Variants in PLCH1 observed in about 807,000 individuals in gnomAD.
PLCH1 encodes 1-phosphatidylinositol 4,5-bisphosphate phosphodiesterase eta-1.
Under a neutral mutation model 126.7 loss-of-function variants are expected in PLCH1, and 60 were observed. The observed-to-expected ratio is 0.47, with a 90% confidence interval of 0.38 to 0.59. The LOEUF (loss-of-function observed/expected upper bound fraction) is 0.59, where lower values mean the gene tolerates loss of function less well. Ranked by LOEUF, PLCH1 falls within the 20% of genes least tolerant of loss-of-function variation. PLCH1 has a pLI of 0.00. For missense variants in PLCH1, 1,723 were observed against 2,040.0 expected (o/e 0.84, Z 2.99); for synonymous variants, 719 against 734.9 (o/e 0.98, Z 0.35).
At chr3:155,488,579 T>C in intron 20 of PLCH1, 81 bp downstream of exon 20, 2 of 1,153,996 alleles carry the variant, frequency 1.7e-6, no homozygotes, top group Admixed American at 2.4e-5. Context: ...TATGCTATTA[T>C]GTAAGTAACA....
intron 2 of PLCH1, among the ~76,000 whole-genome samples, chr3:155,596,905 G>A (rs1392123605): frequency 6.6e-6 from 1 of 152,148 alleles, no homozygotes. Context: ...AATGTAATCA[G>A]AAAAAAATCA....
intron 1 of PLCH1, among the ~76,000 whole-genome samples, chr3:155,706,824 T>C (rs553003992): frequency 3.3e-5 from 5 of 152,044 alleles, no homozygotes; most frequent in African/African-American, 1.2e-4. Flanking sequence ...ATGCTTGCAT[T>C]GGAACCCAGC....
rs913174215 is a variant in PLCH1 at position 155,480,416 on chromosome 3, C to A, written c.*552G>T. The A allele has an allele frequency of 2.0e-5, 3 of 153,004 alleles. No homozygotes were observed. Among genetic ancestry groups the A allele is most frequent in the East Asian group, 1.9e-4 (1 of 5,176 alleles). The allele number at this position is 153,004 out of a possible 1,614,324, so 9.5% of individuals were successfully genotyped here. A position where few individuals can be genotyped will look rare whatever the true frequency, so the allele number is the denominator to read the frequency against. On this transcript the variant is annotated 3_prime_UTR_variant, in exon 23 of 23. Transcript: ENST00000460012. ...GGAGCAGCTATCCATCCCCTTTCAA[C>A]TCTCATTATGGGTGGGATAAGAACA...
intron 2 of PLCH1, among the ~76,000 whole-genome samples, chr3:155,603,427 T>C (rs73154298): frequency 0.056 from 8,541 of 152,210 alleles, 275 homozygotes; most frequent in Middle Eastern, 0.1. Context: ...CCAACACCTA[T>C]TTTGGGACTT....
intron 12 of PLCH1, among the ~76,000 whole-genome samples, chr3:155,506,496 TC>T (rs1297716942): frequency 1.2e-5 from 1 of 81,802 alleles, no homozygotes; most frequent in African/African-American, 4.7e-5. Context: ...ATGTTATCCC[TC>T]CCCCCTCCCC....
intron 5 of PLCH1, 40 bp downstream of exon 5, chr3:155,586,025 G>A: frequency 6.3e-7 from 1 of 1,586,698 alleles, no homozygotes; most frequent in Non-Finnish European, 8.7e-7. Flanking sequence ...AATAACCTCT[G>A]TGTATTTTAT....
intron 1 of PLCH1, among the ~76,000 whole-genome samples, chr3:155,724,813 T>TGTGTGTG (rs1015618805): frequency 1.3e-3 from 182 of 140,142 alleles, no homozygotes; most frequent in Non-Finnish European, 2.2e-3. Flanking sequence ...TTGGGGGGTT[T>TGTGTGTG]TGTGTGTGTG....
intron 7 of PLCH1, among the ~76,000 whole-genome samples, chr3:155,566,531 A>G (rs993900921): frequency 2.0e-5 from 3 of 151,734 alleles, no homozygotes; most frequent in African/African-American, 7.3e-5. Flanking sequence ...AACAACCAGC[A>G]ATTGATAGGT....
intron 2 of PLCH1, among the ~76,000 whole-genome samples, chr3:155,602,558 T>A (rs962953215): frequency 6.6e-6 from 1 of 152,200 alleles, no homozygotes; most frequent in East Asian, 1.9e-4. Flanking sequence ...CACACAGACC[T>A]AGATTGCATA....
At chr3:155,706,108 AG>A (rs1559952274) in intron 1 of PLCH1, among the ~76,000 whole-genome samples, 1 of 138,564 alleles carries the variant, frequency 7.2e-6, no homozygotes, top group African/African-American at 2.7e-5. Flanking sequence ...CAGGAGGCAG[AG>A]GTTGCAGTGA....
intron 2 of PLCH1, among the ~76,000 whole-genome samples, chr3:155,695,879 C>T (rs1745753083): frequency 6.6e-6 from 1 of 152,140 alleles, no homozygotes; most frequent in African/African-American, 2.4e-5. Context: ...GCAAGGAATG[C>T]AAACGTCAGT....
intron 10 of PLCH1, among the ~76,000 whole-genome samples, chr3:155,548,965 A>C (rs921045341): frequency 1.3e-5 from 2 of 152,000 alleles, no homozygotes; most frequent in African/African-American, 4.8e-5. Flanking sequence ...CTCCTCCTAT[A>C]TATTTGTTTT....
chr3:155,638,657 A>G (rs1036552803), intron 2 of PLCH1, among the ~76,000 whole-genome samples: 1 of 152,244 alleles, frequency 6.6e-6, no homozygotes, highest in African/African-American at 2.4e-5. Context: ...GATTTGGGCA[A>G]GCTGCCATGT....
intron 3 of PLCH1, among the ~76,000 whole-genome samples, chr3:155,594,740 G>A (rs527475091): frequency 2.5e-4 from 38 of 152,008 alleles, no homozygotes; most frequent in Non-Finnish European, 5.4e-4. Flanking sequence ...AATAATTCAG[G>A]ACGTGTTGAA....
rs1166710748 is a variant in PLCH1, at chr3:155,481,918, T to C, written c.4108A>G (p.Arg1370Gly). Reference protein sequence around the residue: ...NLSLTTCEYRREGTSQLASPL... With the variant: ...NLSLTTCEYRGEGTSQLASPL... ...GAAGCAAGTTGACTTGTGCCCTCTC[T>C]CCTATATTCACAGGTTGTTAGAGAA... Residue 1370 changes from arginine to glycine, a missense_variant, in exon 23 of 23, where the codon AGA (arginine) becomes GGA (glycine). Arg to Gly is a moderately radical substitution (Grantham distance 125). Transcript: ENST00000460012. This position sits in a 1 kb window ranked among gnomAD's most constrained non-coding sequence, Gnocchi z 4.2. 1 of 1,614,188 alleles carries C rather than the reference T, an allele frequency of 6.2e-7. No individual in the cohort carries two copies. Among genetic ancestry groups the C allele is most frequent in the South Asian group, 1.1e-5 (1 of 91,080 alleles).
At chr3:155,486,162 A>G in intron 21 of PLCH1, 2 of 1,546,074 alleles carry the variant, frequency 1.3e-6, no homozygotes, top group South Asian at 1.2e-5. Flanking sequence ...TAGCTCCTAG[A>G]AAGTGCAATA....
At chr3:155,534,691 T>C (rs1723122004) in intron 10 of PLCH1, among the ~76,000 whole-genome samples, 1 of 152,178 alleles carries the variant, frequency 6.6e-6, no homozygotes, top group Non-Finnish European at 1.5e-5. Context: ...ATCATAATCC[T>C]CATAATACCC....
intron 6 of PLCH1, among the ~76,000 whole-genome samples, chr3:155,581,933 G>C (rs1217302956): frequency 6.6e-6 from 1 of 151,464 alleles, no homozygotes; most frequent in African/African-American, 2.4e-5. Context: ...ATTTTTAGTA[G>C]AGACCGGGTT....
intron 2 of PLCH1, among the ~76,000 whole-genome samples, chr3:155,700,719 CT>C (rs1334912827): frequency 2.0e-5 from 3 of 152,046 alleles, no homozygotes; most frequent in African/African-American, 7.2e-5. Flanking sequence ...TGCAAATACA[CT>C]CATTATTGGT....
Sources: allele counts gnomAD v4.1 joint callset (sites outside exome capture counted in the v4.1 genomes callset), GRCh38; gene constraint gnomAD v4.1.1; non-coding constraint Gnocchi (gnomAD v3.1); transcripts MANE v1.5; gene names NCBI Gene and HGNC (gene_info 2026-07-23, HGNC 2026-07-21).